The following THSD7B variants were observed in gnomAD, a reference collection of about 807,000 sequenced individuals.
THSD7B encodes thrombospondin type 1 domain containing 7B.
THSD7B carries 138 observed loss-of-function variants against 213.6 expected under a neutral mutation model. That is an observed-to-expected ratio of 0.65 (90% confidence interval 0.56 to 0.74). The LOEUF is 0.74. Ranked by LOEUF, THSD7B falls within the 30% of genes least tolerant of loss-of-function variation. The probability of loss-of-function intolerance (pLI) is 0.00; values close to 1 mark genes in which losing one functional copy is unlikely to be tolerated. For missense variants in THSD7B, 1,931 were observed against 1,991.5 expected (o/e 0.97, Z 0.58); for synonymous variants, 742 against 687.0 (o/e 1.08, Z -1.25).
At chr2:136,981,425 G>A (rs1685576247) in intron 2 of THSD7B, among the ~76,000 whole-genome samples, 1 of 152,134 alleles carries the variant, frequency 6.6e-6, no homozygotes, top group African/African-American at 2.4e-5. Flanking sequence ...TAGGTATTTG[G>A]TAATTTAATA....
At chr2:137,535,456 C>G (rs753834298) in intron 15 of THSD7B, among the ~76,000 whole-genome samples, 1 of 151,776 alleles carries the variant, frequency 6.6e-6, no homozygotes, top group East Asian at 1.9e-4. Flanking sequence ...GCAATGACCA[C>G]GTAGGCTCCA....
At chr2:137,448,654 C>A (rs1390583321) in intron 14 of THSD7B, among the ~76,000 whole-genome samples, 3 of 152,110 alleles carry the variant, frequency 2.0e-5, no homozygotes, top group African/African-American at 7.2e-5. Flanking sequence ...AAAAAATTAG[C>A]CGGGAGCGGT....
chr2:137,564,289 T>C (rs1314068414), intron 16 of THSD7B, among the ~76,000 whole-genome samples: 1 of 152,190 alleles, frequency 6.6e-6, no homozygotes, highest in Non-Finnish European at 1.5e-5. Flanking sequence ...TGAAACGTAC[T>C]TTATTCATTA....
At chr2:137,607,189 A>G (rs1326876326) in intron 17 of THSD7B, among the ~76,000 whole-genome samples, 1 of 152,148 alleles carries the variant, frequency 6.6e-6, no homozygotes, top group Non-Finnish European at 1.5e-5. Context: ...TGCCATTTAT[A>G]TTTCTCTCAT....
chr2:136,841,929 A>G (rs1682926652), intron 1 of THSD7B, among the ~76,000 whole-genome samples: 1 of 152,200 alleles, frequency 6.6e-6, no homozygotes, highest in Admixed American at 6.5e-5. Flanking sequence ...TTGCAGCTGT[A>G]TGTATCCTGA....
At chr2:137,270,802 A>G (rs1457329678) in intron 10 of THSD7B, among the ~76,000 whole-genome samples, 1 of 152,196 alleles carries the variant, frequency 6.6e-6, no homozygotes, top group Non-Finnish European at 1.5e-5. Context: ...ATTATAAAAG[A>G]TTGAAAGATG....
chr2:137,519,876 G>C (rs1311535105), intron 15 of THSD7B, among the ~76,000 whole-genome samples: 1 of 152,112 alleles, frequency 6.6e-6, no homozygotes, highest in Non-Finnish European at 1.5e-5. Context: ...GATCACTGGG[G>C]CTTTAAAAGG....
At chr2:137,087,942 A>G (rs958815522) in intron 3 of THSD7B, among the ~76,000 whole-genome samples, 1 of 152,152 alleles carries the variant, frequency 6.6e-6, no homozygotes, top group African/African-American at 2.4e-5. Flanking sequence ...TGGTACTGGT[A>G]TAAAATAGGT....
At chr2:137,413,929 G>T (rs1686731254) in intron 14 of THSD7B, among the ~76,000 whole-genome samples, 1 of 152,150 alleles carries the variant, frequency 6.6e-6, no homozygotes, top group African/African-American at 2.4e-5. Context: ...TGGCAATAAA[G>T]AAATACAGAA....
chr2:137,315,098 C>T (rs1246957915), intron 12 of THSD7B, among the ~76,000 whole-genome samples: 1 of 152,200 alleles, frequency 6.6e-6, no homozygotes, highest in South Asian at 2.1e-4. Flanking sequence ...GGGCGCCCCT[C>T]CCCCAGCCTC....
At chr2:137,575,714 C>T (rs1182356472) in intron 17 of THSD7B, among the ~76,000 whole-genome samples, 1 of 116,104 alleles carries the variant, frequency 8.6e-6, no homozygotes, top group African/African-American at 2.8e-5. Context: ...TTTTCTTATT[C>T]CCATAACACA....
intron 25 of THSD7B, 118 bp from the exon 26 acceptor site, chr2:137,663,265 C>T: frequency 1.2e-6 from 1 of 838,634 alleles, no homozygotes; most frequent in Non-Finnish European, 1.7e-6. Flanking sequence ...GTCAGTTGCC[C>T]CAAACCCTAC....
At position 137,646,081 on chromosome 2, in the gene THSD7B, A is replaced by T. The variant is rs558537700; in HGVS notation, c.3945+3448A>T. On this transcript the variant is annotated intron_variant, in intron 21 of 27. Transcript: ENST00000409968. Reference sequence around the variant, plus strand: ...AGGCATAGAAATTATTAGAGCAATTATGAAATACTGATAAAACAAATGTGG... The same window carrying T: ...AGGCATAGAAATTATTAGAGCAATTTTGAAATACTGATAAAACAAATGTGG... Among the ~76,000 whole-genome samples the T allele has an allele frequency of 7.1e-4, 108 of 152,320 alleles. 4 individuals carry two copies. The South Asian group carries it at 0.021, about 29-fold the overall frequency.
At chr2:136,946,890 G>A (rs1442305145) in intron 2 of THSD7B, among the ~76,000 whole-genome samples, 1 of 152,102 alleles carries the variant, frequency 6.6e-6, no homozygotes, top group Non-Finnish European at 1.5e-5. Context: ...ACAGTCTGTC[G>A]TGACTTCCCT....
At chr2:137,111,010 C>T (rs1046580774) in intron 4 of THSD7B, among the ~76,000 whole-genome samples, 2 of 152,088 alleles carry the variant, frequency 1.3e-5, no homozygotes, top group African/African-American at 4.8e-5. Flanking sequence ...TGTGTAAGTG[C>T]ACTCTATGAT....
At chr2:136,954,435 G>C (rs535755929) in intron 2 of THSD7B, among the ~76,000 whole-genome samples, 13 of 152,082 alleles carry the variant, frequency 8.5e-5, no homozygotes, top group Non-Finnish European at 7.4e-5. Flanking sequence ...AAGAAATTAC[G>C]GCCGGGCGCG....
chr2:137,463,655 G>A (rs922964942), intron 15 of THSD7B, among the ~76,000 whole-genome samples: 1 of 152,028 alleles, frequency 6.6e-6, no homozygotes, highest in Non-Finnish European at 1.5e-5. Flanking sequence ...GACAAAAGAT[G>A]TTCTCTCTTT....
intron 4 of THSD7B, among the ~76,000 whole-genome samples, chr2:137,106,826 G>A (rs2104930588): frequency 6.6e-6 from 1 of 152,248 alleles, no homozygotes. Context: ...AAATGCAAAT[G>A]AAAACCACAA....
At chr2:137,053,593 T>G (rs1386874664) in intron 2 of THSD7B, among the ~76,000 whole-genome samples, 1 of 151,784 alleles carries the variant, frequency 6.6e-6, no homozygotes, top group Non-Finnish European at 1.5e-5. Context: ...AAAAAGAGAA[T>G]GTCATAGTCA....
Sources: allele counts gnomAD v4.1 joint callset (sites outside exome capture counted in the v4.1 genomes callset), GRCh38; gene constraint gnomAD v4.1.1; transcripts MANE v1.5; gene names NCBI Gene and HGNC (gene_info 2026-07-23, HGNC 2026-07-21).